Variants in MTUS2 observed in about 807,000 individuals in gnomAD.
MTUS2 encodes microtubule-associated tumor suppressor candidate 2.
In MTUS2, 40 loss-of-function variants were observed where a neutral mutation model predicts 114.1. That is an observed-to-expected ratio of 0.35 (90% CI 0.27 to 0.46). The LOEUF (loss-of-function observed/expected upper bound fraction) is 0.46. Among genes scored for constraint, MTUS2 ranks in the 20% least tolerant of loss-of-function variants. The pLI is 1.00. For missense variants in MTUS2, 1,679 were observed against 1,705.4 expected (o/e 0.98, Z 0.27); for synonymous variants, 688 against 672.0 (o/e 1.02, Z -0.37).
intron 6 of MTUS2, chr13:29,307,349 C>A: frequency 2.8e-6 from 2 of 726,274 alleles, no homozygotes; most frequent in Non-Finnish European, 2.5e-6. Context: ...GTGGATGGAC[C>A]ATCCAGGAGA....
intron 5 of MTUS2, among the ~76,000 whole-genome samples, chr13:29,186,564 C>A (rs1894232577): frequency 6.6e-6 from 1 of 152,106 alleles, no homozygotes; most frequent in South Asian, 2.1e-4. Flanking sequence ...GCTGCTCTTT[C>A]AAGAATATAT....
At chr13:28,940,549 C>T (rs1476043875) in intron 2 of MTUS2, among the ~76,000 whole-genome samples, 1 of 151,854 alleles carries the variant, frequency 6.6e-6, no homozygotes, top group Admixed American at 6.6e-5. Flanking sequence ...ACTTTGACTA[C>T]TATATTCAGG....
chr13:28,955,085 T>G (rs1295671666), intron 2 of MTUS2, among the ~76,000 whole-genome samples: 1 of 152,176 alleles, frequency 6.6e-6, no homozygotes, highest in African/African-American at 2.4e-5. Flanking sequence ...TTATGTTTAT[T>G]GGCAGAGCTG....
At chr13:29,383,246 G>GTATATATATATATATATATATATATTTA (rs1291436254) in intron 8 of MTUS2, among the ~76,000 whole-genome samples, 1 of 55,178 alleles carries the variant, frequency 1.8e-5, no homozygotes, top group African/African-American at 4.3e-5. Flanking sequence ...GTGTGTGTGT[G>GTATATATATATATATATATATATATTTA]TGTGTGTATT....
At chr13:28,845,006 A>G (rs1875772876) in intron 2 of MTUS2, among the ~76,000 whole-genome samples, 1 of 152,100 alleles carries the variant, frequency 6.6e-6, no homozygotes, top group Non-Finnish European at 1.5e-5. Context: ...CCCAGGCTGG[A>G]GTGTGATGGT....
rs1297004944 is a variant in MTUS2, at chr13:29,503,863, CA to C, written c.*659del. 4.3e-6 allele frequency: 1 copy of C among 234,094 alleles called. No homozygotes were observed. Among genetic ancestry groups the C allele is most frequent in the Non-Finnish European group, 8.4e-6 (1 of 118,376 alleles). The allele number at this position is 234,094 out of a possible 1,614,324, so 14.5% of individuals were successfully genotyped here. ...CCTTTGGAACAATCAGCTTCTCAGT[CA>C]ACATGATGTGAGATCACTATTATTC... On this transcript the variant is annotated 3_prime_UTR_variant, in exon 16 of 16. Transcript: ENST00000612955.
intron 6 of MTUS2, among the ~76,000 whole-genome samples, chr13:29,314,008 T>C (rs1446627745): frequency 1.3e-5 from 2 of 152,092 alleles, no homozygotes; most frequent in African/African-American, 4.8e-5. Context: ...AGCTGTCAGG[T>C]AATTTACCTC....
At chr13:29,377,258 A>C (rs1871826151) in intron 8 of MTUS2, among the ~76,000 whole-genome samples, 1 of 152,168 alleles carries the variant, frequency 6.6e-6, no homozygotes, top group African/African-American at 2.4e-5. Flanking sequence ...GATCATCTTG[A>C]TGTTTGTAAA....
rs1448383137 is a variant in MTUS2 at position 29,025,099 on chromosome 13, G to A, written c.401G>A (p.Ser134Asn). 5 of 1,613,974 alleles carry A rather than the reference G, an allele frequency of 3.1e-6. No homozygotes were observed. The highest frequency in any genetic ancestry group is 2.7e-5 in the African/African-American group (2 of 75,032). Residue 134 changes from serine (S) to asparagine (N), a missense_variant, in exon 3 of 16, where the codon AGT (serine) becomes AAT (asparagine). Around this residue, in one of 3 missense-constraint regions of MTUS2, gnomAD observed 843 missense variants for 770.8 expected, o/e 1.09. Transcript: ENST00000612955. ...AGTATTCAGGGACCAAGTCTGTCGA[G>A]TTGGAGGAATGTGATGAGTGAGGCC... The part of the protein sequence containing the change: ...TRSIQGPSLS[S>N]WRNVMSEASL...
In MTUS2 at chr13:29,349,725, TCTG is replaced by T. The variant is rs202015679; in HGVS notation, c.2906-9533_2906-9531del. ...AGCTTGAATGGTTTCTAGTGGAAAA[TCTG>T]CTGTTATTCTTATCTTTGGGTCTTT... is the stretch of plus-strand genomic sequence containing the variant. On this transcript the variant is annotated intron_variant, in intron 7 of 15. Transcript: ENST00000612955. Among the ~76,000 whole-genome samples, 1,235 of 152,268 alleles carry T rather than the reference TCTG, an allele frequency of 8.1e-3. 58 individuals carry two copies. Among genetic ancestry groups the T allele is most frequent in the Admixed American group, 0.07 (1,067 of 15,284 alleles).
chr13:29,482,502 A>G (rs1219501003), intron 10 of MTUS2: 1 of 152,248 alleles, frequency 6.6e-6, no homozygotes, highest in Non-Finnish European at 1.5e-5. Context: ...ATGATCCTTT[A>G]TGATAGCAAA....
At chr13:29,396,613 A>G (rs1343247015) in intron 8 of MTUS2, among the ~76,000 whole-genome samples, 1 of 152,250 alleles carries the variant, frequency 6.6e-6, no homozygotes, top group Non-Finnish European at 1.5e-5. Flanking sequence ...CTTGTCATAT[A>G]GTGTGGCTTA....
At chr13:29,295,908 C>T (rs1405746324) in intron 6 of MTUS2, among the ~76,000 whole-genome samples, 1 of 152,072 alleles carries the variant, frequency 6.6e-6, no homozygotes. Context: ...AAACTTGCCC[C>T]CATGATTCAA....
chr13:29,232,505 C>A (rs1319233578), intron 5 of MTUS2, among the ~76,000 whole-genome samples: 1 of 152,196 alleles, frequency 6.6e-6, no homozygotes, highest in East Asian at 1.9e-4. Context: ...GGACTCCCGA[C>A]TCCGAGTTCA....
chr13:29,319,425 G>A (rs1464640346), intron 6 of MTUS2, among the ~76,000 whole-genome samples: 1 of 152,126 alleles, frequency 6.6e-6, no homozygotes, highest in East Asian at 1.9e-4. Flanking sequence ...TCCCCACATG[G>A]GAACAAAGAT....
At chr13:29,352,852 C>T (rs1869409088) in intron 7 of MTUS2, among the ~76,000 whole-genome samples, 1 of 152,200 alleles carries the variant, frequency 6.6e-6, no homozygotes, top group African/African-American at 2.4e-5. Flanking sequence ...CTAATCTACT[C>T]TTCATCCTTT....
At chr13:29,016,255 T>C (rs1307059293) in intron 2 of MTUS2, among the ~76,000 whole-genome samples, 1 of 151,938 alleles carries the variant, frequency 6.6e-6, no homozygotes, top group African/African-American at 2.4e-5. Flanking sequence ...TGGAAAAATA[T>C]CATCCAAGAC....
chr13:29,162,684 T>C (rs941459055), intron 5 of MTUS2, among the ~76,000 whole-genome samples: 1 of 152,352 alleles, frequency 6.6e-6, no homozygotes, highest in Admixed American at 6.5e-5. Context: ...AATTTTGCTG[T>C]GTTTGATCGT....
At chr13:29,482,385 G>A (rs1274845403) in intron 10 of MTUS2, 2 of 152,224 alleles carry the variant, frequency 1.3e-5, no homozygotes, top group Non-Finnish European at 2.9e-5. Flanking sequence ...AAACTGGAGC[G>A]ATGAAAGGAA....
Sources: gnomAD v4.1 joint callset for allele counts (sites outside exome capture counted in the v4.1 genomes callset) on GRCh38, gnomAD v4.1.1 for gene constraint, gnomAD v4.1.1 regional missense constraint, MANE v1.5 for transcripts, NCBI Gene and HGNC (gene_info 2026-07-23, HGNC 2026-07-21) for gene names.